ZNF804B: variants seen among roughly 807,000 people sequenced by gnomAD.
The protein encoded by ZNF804B is zinc finger protein 804B, also known as zinc finger 804B.
In ZNF804B, 80 loss-of-function variants were observed where a neutral mutation model predicts 101.4. The ratio of observed to expected loss-of-function variants is 0.79; its 90% CI spans 0.66 to 0.95. ZNF804B has a LOEUF of 0.95. Ranked by LOEUF, ZNF804B falls within the 40% of genes least tolerant of loss-of-function variation. The pLI, the probability that ZNF804B is intolerant of heterozygous loss-of-function variation, is 0.00. For missense variants in ZNF804B, 1,673 were observed against 1,561.9 expected, an observed-to-expected ratio of 1.07 and a Z score of -1.20; for synonymous variants, 622 against 558.8, an observed-to-expected ratio of 1.11 and a Z score of -1.59.
chr7:89,135,080 G>T (rs139843145), intron 1 of ZNF804B, among the ~76,000 whole-genome samples: 1 of 152,140 alleles, frequency 6.6e-6, no homozygotes, highest in East Asian at 1.9e-4. Context: ...GAAAATATTC[G>T]TTGTATTTGG....
chr7:89,260,966 A>G (rs1296681260), intron 2 of ZNF804B, among the ~76,000 whole-genome samples: 1 of 151,326 alleles, frequency 6.6e-6, no homozygotes, highest in East Asian at 1.9e-4. Context: ...CACAATAAAA[A>G]TATGAGAAAA....
chr7:89,011,202 C>G (rs896627208), intron 1 of ZNF804B, among the ~76,000 whole-genome samples: 1 of 152,014 alleles, frequency 6.6e-6, no homozygotes, highest in South Asian at 2.1e-4. Context: ...TGAGACTCAC[C>G]CATTATCATG....
intron 1 of ZNF804B, among the ~76,000 whole-genome samples, chr7:88,773,881 A>G (rs1790105771): frequency 6.6e-6 from 1 of 152,124 alleles, no homozygotes. Context: ...GCACAAAGCC[A>G]TGAGGGATCC....
chr7:89,006,081 T>C (rs1305195269), intron 1 of ZNF804B, among the ~76,000 whole-genome samples: 1 of 152,140 alleles, frequency 6.6e-6, no homozygotes, highest in Non-Finnish European at 1.5e-5. Flanking sequence ...AATATATATA[T>C]CATGCAACAG....
intron 1 of ZNF804B, among the ~76,000 whole-genome samples, chr7:89,125,131 A>G (rs1435183649): frequency 2.0e-5 from 3 of 150,834 alleles, no homozygotes; most frequent in African/African-American, 4.9e-5. Flanking sequence ...TAATCTCTTC[A>G]GCTTAAGGGG....
intron 1 of ZNF804B, among the ~76,000 whole-genome samples, chr7:88,958,912 A>G (rs1213432548): frequency 6.6e-6 from 1 of 151,520 alleles, no homozygotes; most frequent in East Asian, 2.0e-4. Flanking sequence ...CTTCCCACTA[A>G]GGAATTATAA....
chr7:89,105,482 C>A (rs1197211610), intron 1 of ZNF804B, among the ~76,000 whole-genome samples: 1 of 151,956 alleles, frequency 6.6e-6, no homozygotes, highest in Non-Finnish European at 1.5e-5. Context: ...TTATTCCCTA[C>A]CCTTATATGC....
At chr7:88,921,698 T>G (rs1049870825) in intron 1 of ZNF804B, among the ~76,000 whole-genome samples, 2 of 152,054 alleles carry the variant, frequency 1.3e-5, no homozygotes, top group Non-Finnish European at 2.9e-5. Context: ...TAACCTGCTT[T>G]CTTTCATTCT....
intron 1 of ZNF804B, among the ~76,000 whole-genome samples, chr7:89,091,273 G>C (rs2116325785): frequency 6.6e-6 from 1 of 151,092 alleles, no homozygotes; most frequent in African/African-American, 2.4e-5. Flanking sequence ...ATGTAAATTA[G>C]ATGTAAATCA....
intron 1 of ZNF804B, among the ~76,000 whole-genome samples, chr7:88,948,971 A>G (rs1009947455): frequency 1.3e-5 from 2 of 151,822 alleles, no homozygotes; most frequent in Non-Finnish European, 2.9e-5. Context: ...TTTATTTTTT[A>G]AAATTAATTT....
chr7:89,072,855 A>G (rs573284728), intron 1 of ZNF804B, among the ~76,000 whole-genome samples: 1 of 152,220 alleles, frequency 6.6e-6, no homozygotes, highest in African/African-American at 2.4e-5. Flanking sequence ...ATTTTATTTT[A>G]TCTTCTCTTA....
intron 2 of ZNF804B, among the ~76,000 whole-genome samples, chr7:89,294,926 G>A (rs1039234525): frequency 5.3e-5 from 8 of 151,876 alleles, no homozygotes; most frequent in Admixed American, 5.3e-4. Flanking sequence ...TATATCTAAG[G>A]ACATTAATTA....
At position 89,212,916 on chromosome 7, in the gene ZNF804B, G is replaced by A. The variant is rs1004247775; in HGVS notation, c.109-5239G>A. On this transcript the variant is annotated intron_variant, in intron 1 of 3. Coordinates refer to ENST00000333190, the MANE Select transcript of ZNF804B (RefSeq NM_181646.5). ...GTCATATTTTGGGGTGGCATATTCT[G>A]AGCCCCATCACCTATATTTGCCATG... Among the ~76,000 whole-genome samples the A allele has an allele frequency of 5.8e-4, 89 of 152,166 alleles. 1 individual carries two copies. The highest frequency in any genetic ancestry group is 2.0e-3 in the African/African-American group (84 of 41,528).
At chr7:88,817,339 C>T (rs1374368097) in intron 1 of ZNF804B, among the ~76,000 whole-genome samples, 1 of 151,970 alleles carries the variant, frequency 6.6e-6, no homozygotes, top group Non-Finnish European at 1.5e-5. Flanking sequence ...ATGTAACAAA[C>T]CTGCACCTTG....
intron 1 of ZNF804B, among the ~76,000 whole-genome samples, chr7:88,875,371 G>C (rs1222623687): frequency 1.3e-5 from 2 of 152,068 alleles, no homozygotes; most frequent in Admixed American, 6.6e-5. Flanking sequence ...GAATCCAGGA[G>C]CTGGTTTTTT....
intron 2 of ZNF804B, among the ~76,000 whole-genome samples, chr7:89,261,493 CTG>C (rs1252617873): frequency 6.6e-6 from 1 of 152,096 alleles, no homozygotes; most frequent in Non-Finnish European, 1.5e-5. Context: ...CAGTCCAAAT[CTG>C]TGTTGTTCAA....
chr7:89,130,954 T>A (rs1790537706), intron 1 of ZNF804B, among the ~76,000 whole-genome samples: 1 of 152,010 alleles, frequency 6.6e-6, no homozygotes, highest in Non-Finnish European at 1.5e-5. Flanking sequence ...CTTTTATTAG[T>A]TTTGTGTAAA....
chr7:88,843,807 A>G (rs113251284), intron 1 of ZNF804B, among the ~76,000 whole-genome samples: 1 of 152,184 alleles, frequency 6.6e-6, no homozygotes, highest in Non-Finnish European at 1.5e-5. Flanking sequence ...TCTTACTTCT[A>G]AATCACAATG....
At chr7:89,039,596 TG>T (rs1262442227) in intron 1 of ZNF804B, among the ~76,000 whole-genome samples, 1 of 151,958 alleles carries the variant, frequency 6.6e-6, no homozygotes, top group Non-Finnish European at 1.5e-5. Context: ...AATTTTAAGG[TG>T]TTCTGTATAA....
Sources: allele counts gnomAD v4.1 joint callset (sites outside exome capture counted in the v4.1 genomes callset), GRCh38; gene constraint gnomAD v4.1.1; transcripts MANE v1.5; gene names NCBI Gene and HGNC (gene_info 2026-07-23, HGNC 2026-07-21).